Variants in GALNT13 observed in about 807,000 individuals in gnomAD.
The protein encoded by GALNT13 is polypeptide N-acetylgalactosaminyltransferase 13.
A neutral mutation model predicts 64.2 loss-of-function variants in GALNT13; 28 were observed. The observed-to-expected ratio is 0.44, with a 90% confidence interval of 0.32 to 0.60. The LOEUF is 0.60. Ranked by LOEUF, GALNT13 falls within the 20% of genes least tolerant of loss-of-function variation. The probability of loss-of-function intolerance (pLI) is 0.05; values close to 1 mark genes in which losing one functional copy is unlikely to be tolerated. For missense variants in GALNT13, 577 were observed against 669.8 expected, an observed-to-expected ratio of 0.86 and a Z score of 1.53; for synonymous variants, 214 against 224.6, an observed-to-expected ratio of 0.95 and a Z score of 0.42.
At chr2:153,671,565 A>T in the GALNT13 span, among the ~76,000 whole-genome samples, 1 of 152,364 alleles carries the variant, frequency 6.6e-6, no homozygotes, top group South Asian at 2.1e-4. Context: ...TAAACATGGA[A>T]AGGAACAACC....
At chr2:154,406,169 T>C (rs539697066) in intron 10 of GALNT13, among the ~76,000 whole-genome samples, 11 of 152,304 alleles carry the variant, frequency 7.2e-5, no homozygotes, top group Admixed American at 5.9e-4. Flanking sequence ...ATGTCTTTAT[T>C]TGTCTTATAA....
chr2:154,366,566 T>C (rs865882965), intron 9 of GALNT13, among the ~76,000 whole-genome samples: 1 of 152,160 alleles, frequency 6.6e-6, no homozygotes, highest in African/African-American at 2.4e-5. Flanking sequence ...TAAAGCAAAT[T>C]CAAATCTGCT....
At chr2:154,411,617 C>T (rs1699799885) in intron 11 of GALNT13, among the ~76,000 whole-genome samples, 1 of 151,564 alleles carries the variant, frequency 6.6e-6, no homozygotes, top group African/African-American at 2.4e-5. Flanking sequence ...TATATGGATG[C>T]TATGTAATCT....
At chr2:154,261,878 A>G (rs1339568561) in intron 8 of GALNT13, among the ~76,000 whole-genome samples, 1 of 152,080 alleles carries the variant, frequency 6.6e-6, no homozygotes, top group East Asian at 1.9e-4. Context: ...GCTGTGGTCT[A>G]CATAGGTTCT....
chr2:153,868,438 T>G (rs1248731364), upstream of GALNT13, among the ~76,000 whole-genome samples: 4 of 152,204 alleles, frequency 2.6e-5, no homozygotes, highest in African/African-American at 9.7e-5. Flanking sequence ...ATTATTAGAT[T>G]TCATTTTAGA....
chr2:154,247,922 A>G (rs1322800875), intron 7 of GALNT13, among the ~76,000 whole-genome samples: 1 of 152,112 alleles, frequency 6.6e-6, no homozygotes, highest in African/African-American at 2.4e-5. Flanking sequence ...GGTAATTTTC[A>G]TCAGCATAGC....
chr2:153,867,378 A>T, upstream of GALNT13, among the ~76,000 whole-genome samples: 1 of 130,200 alleles, frequency 7.7e-6, no homozygotes, highest in African/African-American at 2.7e-5. Flanking sequence ...ATATCTATAA[A>T]CTATTTGTGG....
At chr2:153,928,376 A>C (rs995002030) in intron 2 of GALNT13, among the ~76,000 whole-genome samples, 1 of 152,148 alleles carries the variant, frequency 6.6e-6, no homozygotes, top group African/African-American at 2.4e-5. Flanking sequence ...GTCTCAGTGG[A>C]AACATTTATT....
At chr2:153,265,403 A>G in the GALNT13 span, among the ~76,000 whole-genome samples, 98 of 152,282 alleles carry the variant, frequency 6.4e-4, no homozygotes, top group Admixed American at 9.8e-4. Flanking sequence ...TGTTCTCTCC[A>G]TGGGAACCAG....
upstream of GALNT13, among the ~76,000 whole-genome samples, chr2:153,867,006 T>C (rs1206219068): frequency 1.3e-5 from 2 of 152,208 alleles, no homozygotes; most frequent in Non-Finnish European, 2.9e-5. Flanking sequence ...ATCAAATCTA[T>C]TCAACATAAT....
At chr2:154,067,834 A>G (rs1007891798) in intron 3 of GALNT13, among the ~76,000 whole-genome samples, 1 of 152,090 alleles carries the variant, frequency 6.6e-6, no homozygotes, top group African/African-American at 2.4e-5. Flanking sequence ...AATATACCAC[A>G]AGTACATGCA....
chr2:154,373,787 C>T (rs1313188067), intron 9 of GALNT13, among the ~76,000 whole-genome samples: 1 of 152,200 alleles, frequency 6.6e-6, no homozygotes, highest in African/African-American at 2.4e-5. Context: ...TTGTAATAGC[C>T]ACTTAACAGG....
the GALNT13 span, among the ~76,000 whole-genome samples, chr2:153,187,890 A>T: frequency 2.6e-5 from 4 of 152,132 alleles, no homozygotes; most frequent in East Asian, 3.9e-4. Flanking sequence ...AGTCATCATT[A>T]CCAAGTAGGA....
the GALNT13 span, among the ~76,000 whole-genome samples, chr2:153,338,148 C>G: frequency 9.2e-5 from 14 of 151,926 alleles, no homozygotes; most frequent in African/African-American, 3.4e-4. Flanking sequence ...AAAAAATTAG[C>G]CAGTCATGGT....
At chr2:154,341,884 G>T (rs1695790977) in intron 9 of GALNT13, among the ~76,000 whole-genome samples, 1 of 152,066 alleles carries the variant, frequency 6.6e-6, no homozygotes, top group African/African-American at 2.4e-5. Flanking sequence ...GTCATGAAAT[G>T]ATTGTATTCG....
chr2:153,911,365 T>C (rs1688926928), intron 2 of GALNT13, among the ~76,000 whole-genome samples: 1 of 152,180 alleles, frequency 6.6e-6, no homozygotes, highest in Admixed American at 6.5e-5. Context: ...TTTATTCACC[T>C]TGCCACTCTG....
the GALNT13 span, among the ~76,000 whole-genome samples, chr2:153,724,555 A>C: frequency 1.8e-5 from 2 of 110,614 alleles, no homozygotes; most frequent in East Asian, 4.8e-4. Flanking sequence ...CAACCTACTC[A>C]TCTGACAAAG....
intron 4 of GALNT13, among the ~76,000 whole-genome samples, chr2:154,222,353 A>G (rs1688366767): frequency 1.3e-5 from 2 of 152,146 alleles, no homozygotes; most frequent in Non-Finnish European, 2.9e-5. Flanking sequence ...CATGAGTACT[A>G]TTTTATTTTC....
the GALNT13 span, among the ~76,000 whole-genome samples, chr2:153,598,605 A>G: frequency 6.6e-6 from 1 of 152,048 alleles, no homozygotes; most frequent in African/African-American, 2.4e-5. Flanking sequence ...ACTGCTAACA[A>G]TATCTACAGC....
Sources: allele counts gnomAD v4.1 joint callset (sites outside exome capture counted in the v4.1 genomes callset), GRCh38; gene constraint gnomAD v4.1.1; transcripts MANE v1.5; gene names NCBI Gene and HGNC (gene_info 2026-07-23, HGNC 2026-07-21).